The following PARD3 variants were observed in gnomAD, a reference collection of about 807,000 sequenced individuals.
PARD3 encodes the protein par-3 family cell polarity regulator, also known as partitioning defective 3 homolog.
In PARD3, 75 loss-of-function variants were observed where a neutral mutation model predicts 155.4. The ratio of observed to expected loss-of-function variants is 0.48; its 90% CI spans 0.40 to 0.58. The LOEUF is 0.58. PARD3 is among the 20% of genes least tolerant of loss of function. The pLI is 0.00. For missense variants in PARD3, 1,642 were observed against 1,721.7 expected (o/e 0.95, Z 0.82); for synonymous variants, 576 against 610.5 (o/e 0.94, Z 0.83).
intron 2 of PARD3, among the ~76,000 whole-genome samples, chr10:34,647,553 CA>C (rs1426235843): frequency 6.6e-6 from 1 of 152,200 alleles, no homozygotes; most frequent in African/African-American, 2.4e-5. Flanking sequence ...GTTTATATTC[CA>C]AAAAGTTCTT....
chr10:34,707,054 T>A (rs899183101), intron 1 of PARD3, among the ~76,000 whole-genome samples: 1 of 152,048 alleles, frequency 6.6e-6, no homozygotes, highest in Admixed American at 6.6e-5. Flanking sequence ...GAGACCAGCC[T>A]GGCCAACATG....
intron 1 of PARD3, among the ~76,000 whole-genome samples, chr10:34,747,627 G>T (rs1328746997): frequency 6.6e-6 from 1 of 152,122 alleles, no homozygotes; most frequent in Non-Finnish European, 1.5e-5. Flanking sequence ...ACCCAGCCTG[G>T]CTCCCTCCAT....
chr10:34,708,066 C>G (rs1015372766), intron 1 of PARD3, among the ~76,000 whole-genome samples: 1 of 152,158 alleles, frequency 6.6e-6, no homozygotes, highest in African/African-American at 2.4e-5. Context: ...CAACTTCCTG[C>G]CTTCTTCATT....
chr10:34,468,855 T>C lies in PARD3; in HGVS notation c.582+1230A>G, dbSNP rs1589685881. Among the ~76,000 whole-genome samples, 3 of 152,218 alleles carry C rather than the reference T, an allele frequency of 2.0e-5. No homozygotes were observed. The East Asian group carries it at 5.8e-4, about 29-fold the overall frequency. On this transcript the variant is annotated intron_variant, in intron 4 of 24. Transcript: ENST00000374788. ...TTTAAAACAGGTATTTTTATACCTA[T>C]GCAAAGAATAAATCAAGCAAATATC...
At chr10:34,359,048 G>T in intron 14 of PARD3, 99 bp downstream of exon 14, 1 of 754,298 alleles carries the variant, frequency 1.3e-6, no homozygotes, top group Non-Finnish European at 2.2e-6. Context: ...ATGGTCTTTT[G>T]ATGTAAGGTC....
At chr10:34,241,380 A>G (rs561672477) in intron 22 of PARD3, among the ~76,000 whole-genome samples, 181 of 152,114 alleles carry the variant, frequency 1.2e-3, no homozygotes, top group African/African-American at 4.1e-3. Context: ...GACAGTGAAC[A>G]CTGGGGAGCA....
chr10:34,325,838 T>C lies in PARD3; in HGVS notation c.2833+5279A>G, dbSNP rs930268591. ...ATAGATACTATTTCCTCTTAAAAAA[T>C]GGGGCCTGGTGCGGTGGCTCACTCC... is the stretch of plus-strand genomic sequence containing the variant. On this transcript the variant is annotated intron_variant, in intron 19 of 24. Coordinates refer to ENST00000374788, the MANE Select transcript of PARD3 (RefSeq NM_001184785.2). 9.2e-5 allele frequency among the ~76,000 whole-genome samples: 14 copies of C among 151,694 alleles called. No homozygotes were observed. In the East Asian group the frequency reaches 2.7e-3, roughly 29 times the overall value.
chr10:34,522,554 C>G (rs941943175), intron 2 of PARD3, among the ~76,000 whole-genome samples: 1 of 152,018 alleles, frequency 6.6e-6, no homozygotes, highest in Non-Finnish European at 1.5e-5. Flanking sequence ...ATGATAAATA[C>G]GTTCTACTTT....
intron 14 of PARD3, among the ~76,000 whole-genome samples, chr10:34,353,029 C>T (rs548952052): frequency 4.1e-4 from 62 of 151,226 alleles, no homozygotes; most frequent in African/African-American, 1.2e-3. Flanking sequence ...CGTCTCTGCC[C>T]GGCCGCCCCG....
intron 2 of PARD3, among the ~76,000 whole-genome samples, chr10:34,598,148 C>T (rs1016494707): frequency 1.4e-4 from 21 of 152,138 alleles, no homozygotes; most frequent in African/African-American, 4.8e-4. Context: ...TAATTATGCA[C>T]ATTCATATCA....
chr10:34,516,078 T>C lies in PARD3; in HGVS notation c.403+901A>G, dbSNP rs369110364. Among the ~76,000 whole-genome samples the C allele has an allele frequency of 5.3e-5, 8 of 152,006 alleles. No individual in the cohort carries two copies. The South Asian group carries it at 6.2e-4, about 12-fold the overall frequency. Reference sequence around the variant, plus strand: ...TCCAATCGTTCAAGCAATTCTCCTGTTTCAGCCTCCCAAGTAGCTGGGATT... The same window carrying C: ...TCCAATCGTTCAAGCAATTCTCCTGCTTCAGCCTCCCAAGTAGCTGGGATT... On this transcript the variant is annotated intron_variant, in intron 3 of 24. Transcript: ENST00000374788.
intron 5 of PARD3, among the ~76,000 whole-genome samples, chr10:34,427,517 G>A (rs1300428073): frequency 6.6e-6 from 1 of 152,168 alleles, no homozygotes; most frequent in Non-Finnish European, 1.5e-5. Context: ...GACAATGCAT[G>A]CACAGCGGGA....
At chr10:34,215,697 C>T (rs977866003) in intron 22 of PARD3, among the ~76,000 whole-genome samples, 5 of 152,150 alleles carry the variant, frequency 3.3e-5, no homozygotes, top group African/African-American at 4.8e-5. Flanking sequence ...GTTTGTAGGA[C>T]TGCAAGAGGT....
intron 1 of PARD3, among the ~76,000 whole-genome samples, chr10:34,799,498 G>A (rs1464892256): frequency 6.6e-6 from 1 of 152,134 alleles, no homozygotes; most frequent in Non-Finnish European, 1.5e-5. Flanking sequence ...ACCCTCACTA[G>A]CCTGAAGCTG....
chr10:34,530,779 T>A lies in PARD3; in HGVS notation c.223-13620A>T, dbSNP rs568262020. 2.0e-5 allele frequency among the ~76,000 whole-genome samples: 3 copies of A among 152,346 alleles called. No homozygotes were observed. In the East Asian group the frequency reaches 5.8e-4, roughly 29 times the overall value. On this transcript the variant is annotated intron_variant, in intron 2 of 24. Transcript: ENST00000374788. Reference sequence around the variant, plus strand: ...AATGTTCTATCAGTGGTCCCTTCCATAGTAACGACCATCCTTTCCAAAGGG... The same window carrying A: ...AATGTTCTATCAGTGGTCCCTTCCAAAGTAACGACCATCCTTTCCAAAGGG...
chr10:34,209,450 A>T (rs1278907023), intron 22 of PARD3, among the ~76,000 whole-genome samples: 1 of 152,226 alleles, frequency 6.6e-6, no homozygotes, highest in Non-Finnish European at 1.5e-5. Context: ...CAAGAAGCCA[A>T]GTATAGTTGA....
intron 1 of PARD3, among the ~76,000 whole-genome samples, chr10:34,763,447 G>C (rs931763598): frequency 6.6e-6 from 1 of 152,140 alleles, no homozygotes; most frequent in Non-Finnish European, 1.5e-5. Flanking sequence ...TGTCCTCTGG[G>C]GGAAGGTGGG....
intron 5 of PARD3, among the ~76,000 whole-genome samples, chr10:34,436,683 A>T (rs1038726618): frequency 5.9e-5 from 9 of 152,242 alleles, no homozygotes; most frequent in Non-Finnish European, 1.0e-4. Flanking sequence ...ATGCAACAGC[A>T]AAGGATAGTA....
At chr10:34,660,591 G>A (rs373395872) in intron 2 of PARD3, among the ~76,000 whole-genome samples, 24 of 152,050 alleles carry the variant, frequency 1.6e-4, no homozygotes, top group African/African-American at 4.1e-4. Flanking sequence ...CAGCAAAACC[G>A]GGCAAATAGC....
Sources: allele counts gnomAD v4.1 joint callset (sites outside exome capture counted in the v4.1 genomes callset), GRCh38; gene constraint gnomAD v4.1.1; transcripts MANE v1.5; gene names NCBI Gene and HGNC (gene_info 2026-07-23, HGNC 2026-07-21).